The following ABCC5 variants were observed in gnomAD, a reference collection of about 807,000 sequenced individuals.
ABCC5 encodes ATP binding cassette subfamily C member 5.
In ABCC5, 61 loss-of-function variants were observed where a neutral mutation model predicts 160.9. The observed-to-expected ratio is 0.38, with a 90% CI of 0.31 to 0.47. The LOEUF (loss-of-function observed/expected upper bound fraction) is 0.47. ABCC5 is among the 20% of genes least tolerant of loss of function. The pLI, the probability that ABCC5 is intolerant of heterozygous loss-of-function variation, is 0.99. For synonymous variants in ABCC5, 666 were observed against 700.6 expected (o/e 0.95, Z 0.78); for missense variants, 1,308 against 1,813.3 (o/e 0.72, Z 5.06).
intron 16 of ABCC5, among the ~76,000 whole-genome samples, chr3:183,960,659 C>T (rs191150473): frequency 7.9e-5 from 12 of 152,324 alleles, no homozygotes; most frequent in Admixed American, 2.0e-4. Flanking sequence ...CACATGGTTA[C>T]AACCTGCACA....
Position 183,985,443 on chromosome 3 carries a change from A to G in ABCC5, c.591+2327T>C. 5 of 1,362,094 alleles carry G rather than the reference A, an allele frequency of 3.7e-6. No individual in the cohort carries two copies. The South Asian group carries it at 5.8e-5, about 16-fold the overall frequency. The allele number at this position is 1,362,094 out of a possible 1,614,324, so 84.4% of individuals were successfully genotyped here. A position where few individuals can be genotyped will look rare whatever the true frequency, so the allele number is the denominator to read the frequency against. On this transcript the variant is annotated intron_variant, in intron 5 of 29. Coordinates refer to ENST00000334444, the MANE Select transcript of ABCC5 (RefSeq NM_005688.4). ...ACTCCCCCCAAATCCAGATCCTGAC[A>G]GCACCAAGCAAGCTGCAGGTGGAGA...
chr3:183,993,357 AC>A (rs759130072), intron 2 of ABCC5, among the ~76,000 whole-genome samples: 1 of 151,842 alleles, frequency 6.6e-6, no homozygotes, highest in Non-Finnish European at 1.5e-5. Context: ...GGTGGCACAC[AC>A]CTATAGTCCC....
rs180880787 is a variant in ABCC5 at position 184,004,625 on chromosome 3, A to G, written c.129+9639T>C. ...GCTTTCTGGGTTCCATCATGTGACC[A>G]CCATACTGCAGAGCAGACCAGAACT... On this transcript the variant is annotated intron_variant, in intron 2 of 29. Transcript: ENST00000334444. 2.7e-3 allele frequency among the ~76,000 whole-genome samples: 409 copies of G among 152,148 alleles called. 3 individuals carry two copies. The highest frequency in any genetic ancestry group is 0.023 in the Admixed American group (349 of 15,274).
At position 183,961,667 on chromosome 3, in the gene ABCC5, G is replaced by A. The variant is rs1253766306; in HGVS notation, c.2236-13C>T. On this transcript the variant is annotated splice_polypyrimidine_tract_variant and intron_variant, in intron 15 of 29. Transcript: ENST00000334444. ...AGTCAACCAGGTACTGAAGGCAAAG[G>A]CAGAGACAACACAATATGCTGTTTG... The A allele has an allele frequency of 2.5e-6, 4 of 1,613,982 alleles. No homozygotes were observed. Among genetic ancestry groups the A allele is most frequent in the Non-Finnish European group, 3.4e-6 (4 of 1,179,962 alleles).
At chr3:183,983,416 A>G in intron 5 of ABCC5, 1 of 221,412 alleles carries the variant, frequency 4.5e-6, no homozygotes, top group Admixed American at 5.1e-5. Context: ...TATTTGATAA[A>G]AAGGAACAGT....
At chr3:183,943,827 A>G (rs1714587821) in intron 24 of ABCC5, among the ~76,000 whole-genome samples, 2 of 152,194 alleles carry the variant, frequency 1.3e-5, no homozygotes, top group Admixed American at 1.3e-4. Flanking sequence ...CTCGCCAACC[A>G]TAACATTAAC....
At chr3:183,923,468 C>A (rs888048534) in intron 29 of ABCC5, among the ~76,000 whole-genome samples, 1 of 151,980 alleles carries the variant, frequency 6.6e-6, no homozygotes, top group African/African-American at 2.4e-5. Flanking sequence ...ACTAAAAATA[C>A]AAAAATTAGC....
At chr3:184,002,338 G>A (rs191138668) in intron 2 of ABCC5, among the ~76,000 whole-genome samples, 4 of 151,784 alleles carry the variant, frequency 2.6e-5, no homozygotes, top group East Asian at 1.9e-4. Flanking sequence ...GGCAGAGGGT[G>A]CAGTGAGCCA....
rs753242155 is a variant in ABCC5 at position 183,951,943 on chromosome 3, G to A, written c.2728C>T (p.His910Tyr). 4 of 1,613,860 alleles carry A rather than the reference G, an allele frequency of 2.5e-6. No homozygotes were observed. The highest frequency in any genetic ancestry group is 3.4e-6 in the Non-Finnish European group (4 of 1,179,754). ...TAGATGCTGGCATAGTACTGCATAT[G>A]AGGATTGTCCTTCATGCTGTCACTC... ...SVSDSMKDNP[H>Y]MQYYASIYAL... Residue 910 changes from histidine (H) to tyrosine (Y), a missense_variant, in exon 19 of 30, where the codon CAT becomes TAT. Around this residue, in one of 3 missense-constraint regions of ABCC5, gnomAD observed 1,142 missense variants for 1,527.1 expected, o/e 0.75. Coordinates refer to ENST00000334444, the MANE Select transcript of ABCC5 (RefSeq NM_005688.4). The surrounding 1 kb of genome is among the most constrained non-coding windows in gnomAD (Gnocchi z 4.7).
chr3:183,979,199 G>T (rs757266019), intron 8 of ABCC5, among the ~76,000 whole-genome samples: 3 of 152,186 alleles, frequency 2.0e-5, no homozygotes, highest in Non-Finnish European at 4.4e-5. Context: ...ACAAAAATTA[G>T]CCGGGTGTGG....
intron 25 of ABCC5, among the ~76,000 whole-genome samples, chr3:183,940,467 A>G (rs111839353): frequency 6.7e-6 from 1 of 149,098 alleles, no homozygotes; most frequent in African/African-American, 2.5e-5. Context: ...CTCAGGAAAA[A>G]AAAAAAAAAA....
chr3:183,937,171 G>A (rs561669287), intron 26 of ABCC5, among the ~76,000 whole-genome samples: 5 of 152,260 alleles, frequency 3.3e-5, no homozygotes, highest in East Asian at 1.9e-4. Context: ...GAGGTCAGGC[G>A]TTCAAGGCCA....
intron 24 of ABCC5, among the ~76,000 whole-genome samples, chr3:183,944,428 GGAAAAAAA>G (rs1416064641): frequency 6.6e-6 from 1 of 151,584 alleles, no homozygotes; most frequent in Non-Finnish European, 1.5e-5. Context: ...AATTAAAAAA[GGAAAAAAA>G]GAAAAAAAGC....
intron 5 of ABCC5, chr3:183,984,938 T>A: frequency 6.6e-7 from 1 of 1,518,060 alleles, no homozygotes; most frequent in African/African-American, 1.4e-5. Context: ...TTCCTTCCCA[T>A]ACCTTTAGAG....
At chr3:183,924,266 C>T (rs9832380) in intron 29 of ABCC5, among the ~76,000 whole-genome samples, 7 of 152,036 alleles carry the variant, frequency 4.6e-5, no homozygotes, top group African/African-American at 1.2e-4. Flanking sequence ...GCAATCTGCC[C>T]GCCTCGGCCT....
At position 183,953,275 on chromosome 3, in the gene ABCC5, G is replaced by T; in HGVS notation, c.2483-5C>A. The T allele has an allele frequency of 1.3e-6, 2 of 1,586,664 alleles. No individual in the cohort carries two copies. Among genetic ancestry groups the T allele is most frequent in the African/African-American group, 1.4e-5 (1 of 73,388 alleles). ...CTTCCAGCTGCACAAGCTGCCCTAG[G>T]TAAGAAAAAAAGAAACATGGACTCA... is the stretch of plus-strand genomic sequence containing the variant. On this transcript the variant is annotated splice_region_variant and splice_polypyrimidine_tract_variant and intron_variant, in intron 17 of 29. Transcript: ENST00000334444.
Position 183,927,554 on chromosome 3 carries a change from A to G in ABCC5, c.3934-111T>C, listed in dbSNP as rs1712708156. The G allele has an allele frequency of 2.0e-6, 3 of 1,471,352 alleles. No individual in the cohort carries two copies. In the Admixed American group the frequency reaches 6.3e-5, roughly 31 times the overall value. The allele number at this position is 1,471,352 out of a possible 1,614,324, so 91.1% of individuals were successfully genotyped here. A position where few individuals can be genotyped will look rare whatever the true frequency, so the allele number is the denominator to read the frequency against. On this transcript the variant is annotated intron_variant, in intron 27 of 29. Coordinates refer to ENST00000334444, the MANE Select transcript of ABCC5 (RefSeq NM_005688.4). ...AAAGCGATGAAAGAACTATTAGCCA[A>G]GAACCTGTCTCATCTGGAATGAAGG... is the stretch of plus-strand genomic sequence containing the variant.
chr3:183,925,649 C>T lies in ABCC5; in HGVS notation c.4118G>A (p.Arg1373Gln), dbSNP rs747199856. ...CATGGTACAGTCTGCAAATGCTTCT[C>T]GGATGGTCTCTTGAATCAATAAGTC... is the stretch of plus-strand genomic sequence containing the variant. ...ETDLLIQETI[R>Q]EAFADCTMLT... Residue 1373 changes from arginine to glutamine, a missense_variant, in exon 29 of 30, where the codon CGA (arginine) becomes CAA (glutamine). Coordinates refer to ENST00000334444, the MANE Select transcript of ABCC5 (RefSeq NM_005688.4). 46 of 1,613,934 alleles carry T rather than the reference C, an allele frequency of 2.9e-5. No homozygotes were observed. The highest frequency in any genetic ancestry group is 3.5e-5 in the Non-Finnish European group (41 of 1,180,026).
chr3:183,979,712 C>T (rs1159418513), intron 8 of ABCC5, among the ~76,000 whole-genome samples: 1 of 152,032 alleles, frequency 6.6e-6, no homozygotes, highest in Non-Finnish European at 1.5e-5. Context: ...TCCCAAGTAG[C>T]TGGGACCACA....
Sources: allele counts gnomAD v4.1 joint callset (sites outside exome capture counted in the v4.1 genomes callset), GRCh38; gene constraint gnomAD v4.1.1; regional missense constraint gnomAD v4.1.1; non-coding constraint Gnocchi (gnomAD v3.1); transcripts MANE v1.5; gene names NCBI Gene and HGNC (gene_info 2026-07-23, HGNC 2026-07-21).